TJP2: variants seen among roughly 807,000 people sequenced by gnomAD.
TJP2 encodes the protein Friedreich ataxia region gene X104 (tight junction protein ZO-2).
TJP2 carries 91 observed loss-of-function variants against 133.1 expected under a neutral mutation model. The observed-to-expected ratio is 0.68, with a 90% CI of 0.58 to 0.81. TJP2 has a LOEUF of 0.81. Among genes scored for constraint, TJP2 ranks in the 40% least tolerant of loss-of-function variants. The probability of loss-of-function intolerance (pLI) is 0.00; values close to 1 mark genes in which losing one functional copy is unlikely to be tolerated. For missense variants in TJP2, 1,541 were observed against 1,565.6 expected, an observed-to-expected ratio of 0.98 and a Z score of 0.26; for synonymous variants, 592 against 583.4, an observed-to-expected ratio of 1.01 and a Z score of -0.21.
intron 1 of TJP2, among the ~76,000 whole-genome samples, chr9:69,144,213 G>T (rs1823121722): frequency 6.6e-6 from 1 of 152,108 alleles, no homozygotes; most frequent in South Asian, 2.1e-4. Context: ...GAAATAGATG[G>T]CATAATACTT....
chr9:69,204,832 TC>T, intron 1 of TJP2: 1 of 1,096,508 alleles, frequency 9.1e-7, no homozygotes, highest in South Asian at 3.4e-5. Context: ...TTTACTCAAT[TC>T]TGTCAACTTA....
intron 1 of TJP2, among the ~76,000 whole-genome samples, chr9:69,123,028 G>C (rs888181630): frequency 4.6e-5 from 7 of 152,170 alleles, no homozygotes; most frequent in Non-Finnish European, 1.0e-4. Flanking sequence ...TTGAAATGCA[G>C]GATCTCAGGC....
chr9:69,129,383 G>T (rs1268258212), intron 1 of TJP2, among the ~76,000 whole-genome samples: 1 of 151,778 alleles, frequency 6.6e-6, no homozygotes, highest in Non-Finnish European at 1.5e-5. Flanking sequence ...ATGGTGGCGT[G>T]TGCTGTCCTT....
In TJP2 at chr9:69,137,659, C is replaced by T. The variant is rs895851141; in HGVS notation, c.-130-13992C>T. Among the ~76,000 whole-genome samples, 7 of 152,166 alleles carry T rather than the reference C, an allele frequency of 4.6e-5. No homozygotes were observed. The East Asian group carries it at 1.2e-3, about 25-fold the overall frequency. On this transcript the variant is annotated intron_variant, in intron 1 of 5. Coordinates refer to the TJP2 transcript ENST00000423935. ...GAATACAAGCATGAGCCACTGTACT[C>T]AGCTGAGCTTTTTTTTTCAAGGGAC...
At chr9:69,203,317 ATT>A (rs1827135987) in intron 1 of TJP2, among the ~76,000 whole-genome samples, 1 of 150,890 alleles carries the variant, frequency 6.6e-6, no homozygotes, top group African/African-American at 2.4e-5. Flanking sequence ...ATAATAAATA[ATT>A]TATTATTATT....
chr9:69,228,616 A>G (rs900603739), intron 9 of TJP2, among the ~76,000 whole-genome samples: 2 of 152,232 alleles, frequency 1.3e-5, no homozygotes, highest in Non-Finnish European at 2.9e-5. Context: ...GTATATGTGT[A>G]TGTATAGATA....
chr9:69,235,244 G>A (rs1002122331), intron 12 of TJP2, among the ~76,000 whole-genome samples: 22 of 152,116 alleles, frequency 1.4e-4, no homozygotes, highest in African/African-American at 4.6e-4. Flanking sequence ...GAAAAGAGCT[G>A]ATGTCGCCTT....
chr9:69,168,751 C>T (rs1363934401), intron 2 of TJP2, among the ~76,000 whole-genome samples: 3 of 149,564 alleles, frequency 2.0e-5, no homozygotes, highest in East Asian at 2.0e-4. Context: ...GCTAAGACGG[C>T]GCCATTGCAC....
intron 2 of TJP2, among the ~76,000 whole-genome samples, chr9:69,158,987 C>G (rs575508949): frequency 8.0e-4 from 122 of 151,866 alleles, no homozygotes; most frequent in African/African-American, 2.8e-3. Flanking sequence ...TCACCGCCCC[C>G]CCCCCATCAA....
chr9:69,182,788 C>CTTTTTT (rs35602682), intron 1 of TJP2, among the ~76,000 whole-genome samples: 1 of 129,424 alleles, frequency 7.7e-6, no homozygotes, highest in Non-Finnish European at 1.6e-5. Flanking sequence ...TGATGAATTT[C>CTTTTTT]TTTTTTTTTT....
chr9:69,151,421 G>A (rs1041426358), intron 1 of TJP2, among the ~76,000 whole-genome samples: 4 of 151,428 alleles, frequency 2.6e-5, no homozygotes, highest in South Asian at 2.1e-4. Flanking sequence ...CAGAGGTTGC[G>A]GTGAGCCGAT....
At chr9:69,227,691 A>G in intron 7 of TJP2, 74 bp from the exon 8 acceptor site, 2 of 1,037,878 alleles carry the variant, frequency 1.9e-6, no homozygotes, top group South Asian at 2.8e-5. Context: ...TACCCAGAGA[A>G]TAGTGCAATT....
upstream of TJP2, among the ~76,000 whole-genome samples, chr9:69,170,232 A>ATT (rs1293628403): frequency 6.6e-6 from 1 of 152,224 alleles, no homozygotes; most frequent in Non-Finnish European, 1.5e-5. Flanking sequence ...CAATAACTAA[A>ATT]TTTAAAAAGA....
At position 69,243,776 on chromosome 9, in the gene TJP2, A is replaced by G. The variant is rs138730008; in HGVS notation, c.2567-2914A>G. 3.8e-3 allele frequency among the ~76,000 whole-genome samples: 576 copies of G among 152,316 alleles called. 5 individuals are homozygous for G. Among genetic ancestry groups the G allele is most frequent in the African/African-American group, 0.013 (558 of 41,568 alleles). On this transcript the variant is annotated intron_variant, in intron 17 of 22. Transcript: ENST00000377245. ...AAGATGCTGGGCCCCCTAGCTGGAT[A>G]CCTTTGCTGTTGCATGCCCATTTAG...
At chr9:69,137,295 C>CTCT in intron 1 of TJP2, among the ~76,000 whole-genome samples, 1 of 69,470 alleles carries the variant, frequency 1.4e-5, no homozygotes, top group Admixed American at 2.1e-4. Context: ...TTCTTTCTTT[C>CTCT]TTTCTTTTCT....
At chr9:69,229,018 C>T (rs963724705) in intron 9 of TJP2, among the ~76,000 whole-genome samples, 166 bp from the exon 10 acceptor site, 25 of 152,186 alleles carry the variant, frequency 1.6e-4, no homozygotes, top group African/African-American at 6.0e-4. Context: ...AAACCATTGG[C>T]ACCTGCTAAT....
chr9:69,229,200 A>T lies in TJP2; in HGVS notation c.1470A>T (p.Ala490=). The T allele has an allele frequency of 6.2e-7, 1 of 1,614,204 alleles. No individual in the cohort carries two copies. The highest frequency in any genetic ancestry group is 8.5e-7 in the Non-Finnish European group (1 of 1,180,020). ...QEDPPAPQPK[A]APRTFLRPSP... The stretch of plus-strand genomic sequence containing the variant: ...AACCTACAGCTCCTCAACCAAAAGC[A>T]GCCCCGAGAACTTTTCTTCGTCCTA... The change falls in exon 10 of 23, where the codon GCA becomes GCT. Residue 490 remains alanine (A), a synonymous_variant. Coordinates refer to ENST00000377245, the MANE Select transcript of TJP2 (RefSeq NM_004817.4).
intron 21 of TJP2, among the ~76,000 whole-genome samples, chr9:69,252,102 C>T (rs1339978983): frequency 6.6e-6 from 1 of 152,160 alleles, no homozygotes; most frequent in Non-Finnish European, 1.5e-5. Context: ...TCAGGAGATA[C>T]TCCCACCTCA....
At chr9:69,207,771 C>T (rs1377274735) in intron 1 of TJP2, among the ~76,000 whole-genome samples, 2 of 152,164 alleles carry the variant, frequency 1.3e-5, no homozygotes, top group Non-Finnish European at 1.5e-5. Flanking sequence ...AGCCCGGTGG[C>T]CTAGTTTGAA....
Sources: allele counts gnomAD v4.1 joint callset (sites outside exome capture counted in the v4.1 genomes callset), GRCh38; gene constraint gnomAD v4.1.1; transcripts MANE v1.5; gene names NCBI Gene and HGNC (gene_info 2026-07-23, HGNC 2026-07-21).